ABCC1: variants seen among roughly 807,000 people sequenced by gnomAD.
ABCC1 encodes the protein ATP binding cassette subfamily C member 1 (ABCC1 blood group).
ABCC1 carries 83 observed loss-of-function variants against 172.9 expected under a neutral mutation model. That is an observed-to-expected ratio of 0.48 (90% CI 0.40 to 0.58). The LOEUF (loss-of-function observed/expected upper bound fraction) is 0.58, where lower values mean the gene tolerates loss of function less well. Among genes scored for constraint, ABCC1 ranks in the 20% least tolerant of loss-of-function variants. ABCC1 has a pLI of 0.00. For missense variants in ABCC1, 1,817 were observed against 2,002.7 expected (o/e 0.91, Z 1.77); for synonymous variants, 937 against 825.2 (o/e 1.14, Z -2.32).
At chr16:16,001,044 A>G (rs889401612) in intron 1 of ABCC1, among the ~76,000 whole-genome samples, 6 of 152,326 alleles carry the variant, frequency 3.9e-5, no homozygotes, top group African/African-American at 1.2e-4. Context: ...AGTGCCTGCA[A>G]CAGTGTCTAG....
In ABCC1 at chr16:15,963,678, C is replaced by T. The variant is rs77425508; in HGVS notation, c.48+13879C>T. Among the ~76,000 whole-genome samples the T allele has an allele frequency of 5.3e-3, 814 of 152,296 alleles. 3 individuals are homozygous for T. Among genetic ancestry groups the T allele is most frequent in the African/African-American group, 0.019 (771 of 41,562 alleles). ...ACAGCCTGAGCTGTGTACCTTGGCT[C>T]CTCTTAGCCATGACTGGAGTGGCTG... On this transcript the variant is annotated intron_variant, in intron 1 of 30. Coordinates refer to ENST00000399410, the MANE Select transcript of ABCC1 (RefSeq NM_004996.4).
At chr16:16,102,779 G>A (rs2051828239) in intron 20 of ABCC1, 62 bp downstream of exon 20, 13 of 1,502,748 alleles carry the variant, frequency 8.7e-6, no homozygotes, top group Admixed American at 8.5e-5. Context: ...AGGACAAGAG[G>A]AGGAACAAAA....
intron 10 of ABCC1, among the ~76,000 whole-genome samples, chr16:16,049,348 G>T (rs1308845272): frequency 6.6e-6 from 1 of 152,120 alleles, no homozygotes; most frequent in East Asian, 1.9e-4. Flanking sequence ...TTCTCTCATT[G>T]GCCAGCCTGG....
chr16:16,095,752 C>T (rs2051447650), intron 19 of ABCC1, among the ~76,000 whole-genome samples: 1 of 151,828 alleles, frequency 6.6e-6, no homozygotes, highest in Non-Finnish European at 1.5e-5. Context: ...TCTCGAACTC[C>T]TGGGCTCAAG....
At chr16:16,074,213 C>T (rs1272355248) in intron 14 of ABCC1, among the ~76,000 whole-genome samples, 1 of 152,114 alleles carries the variant, frequency 6.6e-6, no homozygotes, top group Admixed American at 6.5e-5. Context: ...TAGTATCCAT[C>T]CCAATTTTGG....
At chr16:15,971,090 G>A (rs908713787) in intron 1 of ABCC1, among the ~76,000 whole-genome samples, 1 of 152,160 alleles carries the variant, frequency 6.6e-6, no homozygotes, top group Non-Finnish European at 1.5e-5. Flanking sequence ...GTATAGAGAC[G>A]GAGGAGGGCT....
intron 14 of ABCC1, among the ~76,000 whole-genome samples, chr16:16,073,563 G>A (rs1038989424): frequency 7.9e-5 from 12 of 152,184 alleles, no homozygotes; most frequent in African/African-American, 2.9e-4. Context: ...AGGAGTTTGA[G>A]ACCACCTTGG....
intron 22 of ABCC1, 121 bp from the exon 23 acceptor site, chr16:16,114,645 A>G: frequency 3.4e-6 from 3 of 873,948 alleles, no homozygotes; most frequent in Non-Finnish European, 4.9e-6. Context: ...CTGGTTCATC[A>G]TTATTATTAT....
intron 12 of ABCC1, among the ~76,000 whole-genome samples, chr16:16,059,130 C>T (rs1275155478): frequency 6.6e-6 from 1 of 152,146 alleles, no homozygotes; most frequent in African/African-American, 2.4e-5. Flanking sequence ...AAAGTCTGGT[C>T]CGTGGACCAG....
At chr16:16,007,784 T>C (rs2047600619) in intron 1 of ABCC1, 32 bp from the exon 2 acceptor site, 1 of 1,588,822 alleles carries the variant, frequency 6.3e-7, no homozygotes, top group African/African-American at 1.3e-5. Context: ...GGGTGTGTCC[T>C]GCTGACCCCT....
intron 1 of ABCC1, among the ~76,000 whole-genome samples, chr16:15,975,026 A>AT (rs2046451782): frequency 6.6e-6 from 1 of 152,060 alleles, no homozygotes; most frequent in South Asian, 2.1e-4. Context: ...ACCTCAAGTG[A>AT]TCCCCCCCAG....
intron 5 of ABCC1, among the ~76,000 whole-genome samples, chr16:16,018,015 C>G (rs1203748493): frequency 6.6e-6 from 1 of 152,118 alleles, no homozygotes; most frequent in Non-Finnish European, 1.5e-5. Flanking sequence ...GCCAGATGAG[C>G]TGTTTGGGTT....
At chr16:16,073,362 T>C (rs2050427970) in intron 14 of ABCC1, among the ~76,000 whole-genome samples, 1 of 152,218 alleles carries the variant, frequency 6.6e-6, no homozygotes, top group Non-Finnish European at 1.5e-5. Flanking sequence ...GCACCTACTA[T>C]GTGCCAAGCA....
intron 7 of ABCC1, among the ~76,000 whole-genome samples, chr16:16,037,899 G>T (rs1176595950): frequency 6.6e-6 from 1 of 152,198 alleles, no homozygotes; most frequent in Non-Finnish European, 1.5e-5. Flanking sequence ...GGGAGAAATT[G>T]TCTCGTGGGA....
intron 1 of ABCC1, among the ~76,000 whole-genome samples, chr16:15,979,982 T>C (rs549477265): frequency 6.6e-6 from 1 of 152,184 alleles, no homozygotes; most frequent in East Asian, 1.9e-4. Context: ...GAGTGACATT[T>C]TGAGGGACAG....
At chr16:16,116,493 TATA>T (rs1209494548) in intron 23 of ABCC1, among the ~76,000 whole-genome samples, 6 of 152,200 alleles carry the variant, frequency 3.9e-5, no homozygotes, top group Non-Finnish European at 7.3e-5. Context: ...AGCAGTAATT[TATA>T]ATAATAAAAT....
chr16:16,044,712 T>G, intron 8 of ABCC1, 32 bp downstream of exon 8: 1 of 1,581,066 alleles, frequency 6.3e-7, no homozygotes, highest in Non-Finnish European at 8.7e-7. Context: ...GTGGGCTCCA[T>G]TTTCCCTCCT....
At chr16:16,070,242 A>G (rs139558143) in intron 13 of ABCC1, among the ~76,000 whole-genome samples, 2 of 151,956 alleles carry the variant, frequency 1.3e-5, no homozygotes, top group African/African-American at 4.8e-5. Flanking sequence ...TGTGGGGTGC[A>G]TGCCTGCAGT....
At chr16:16,032,190 C>T (rs540620105) in intron 5 of ABCC1, among the ~76,000 whole-genome samples, 1 of 152,232 alleles carries the variant, frequency 6.6e-6, no homozygotes, top group African/African-American at 2.4e-5. Context: ...AGGGTTTCAC[C>T]ATGTTGGCTA....
Sources: gnomAD v4.1 joint callset for allele counts (sites outside exome capture counted in the v4.1 genomes callset) on GRCh38, gnomAD v4.1.1 for gene constraint, MANE v1.5 for transcripts, NCBI Gene and HGNC (gene_info 2026-07-23, HGNC 2026-07-21) for gene names.